The following ZCCHC2 variants were observed in gnomAD, a reference collection of about 807,000 sequenced individuals.
ZCCHC2 encodes the protein zinc finger CCHC domain-containing protein 2.
Under a neutral mutation model 103.6 loss-of-function variants are expected in ZCCHC2, and 39 were observed. The ratio of observed to expected loss-of-function variants is 0.38; its 90% CI spans 0.29 to 0.49. ZCCHC2 has a LOEUF of 0.49. ZCCHC2 is among the 20% of genes least tolerant of loss of function. The pLI is 0.96. For synonymous variants in ZCCHC2, 687 were observed against 608.9 expected (o/e 1.13, Z -1.89); for missense variants, 1,483 against 1,491.0 (o/e 0.99, Z 0.09).
Position 62,574,911 on chromosome 18 carries a change from C to G in ZCCHC2, c.2830C>G (p.Gln944Glu), listed in dbSNP as rs77309628. The G allele has an allele frequency of 6.2e-7, 1 of 1,613,848 alleles. No individual in the cohort carries two copies. The highest frequency in any genetic ancestry group is 1.3e-5 in the African/African-American group (1 of 75,052). The change falls in exon 13 of 14, where the codon CAG (glutamine) becomes GAG (glutamate). Residue 944 changes from glutamine to glutamate, a missense_variant. By Grantham distance (29) the Gln-to-Glu change is conservative. Coordinates refer to ENST00000269499, the MANE Select transcript of ZCCHC2 (RefSeq NM_017742.6). ...GCTCAGCACAGCAGCAACTTCTCCC[C>G]AGCCAGCGAGCGCAGGTATCAGCCA... is the stretch of plus-strand genomic sequence containing the variant. ...SVLSTAATSP[Q>E]PASAGISQAQ... is the part of the protein sequence containing the mutation.
chr18:62,567,919 G>A (rs1037279759), intron 11 of ZCCHC2, among the ~76,000 whole-genome samples: 2 of 101,164 alleles, frequency 2.0e-5, no homozygotes, highest in Admixed American at 1.3e-4. Context: ...TACTCCAGCC[G>A]GGGCGACAGA....
intron 11 of ZCCHC2, 69 bp from the exon 12 acceptor site, chr18:62,570,034 A>G: frequency 1.4e-6 from 2 of 1,430,260 alleles, no homozygotes; most frequent in African/African-American, 1.5e-5. Context: ...TTAATTTCTA[A>G]TGATTCAACT....
intron 1 of ZCCHC2, among the ~76,000 whole-genome samples, chr18:62,527,843 C>CA (rs1426692161): frequency 6.6e-6 from 1 of 151,914 alleles, no homozygotes; most frequent in Non-Finnish European, 1.5e-5. Flanking sequence ...GTGTTAGCAA[C>CA]AAAAAAATGC....
rs778672426 is a variant in ZCCHC2, at chr18:62,575,411, A to G, written c.3330A>G (p.Val1110=). 1.2e-6 allele frequency: 2 copies of G among 1,614,034 alleles called. No individual in the cohort carries two copies. Among genetic ancestry groups the G allele is most frequent in the Non-Finnish European group, 1.7e-6 (2 of 1,179,894 alleles). Residue 1110 remains valine, a synonymous_variant, in exon 13 of 14, where the codon GTA becomes GTG. Transcript: ENST00000269499. ...QMAGFGRFYP[V]YPAPNVVANT... ...CAGGATTTGGGAGATTCTATCCTGT[A>G]TATCCAGCACCTAACGTAGTTGCCA...
At chr18:62,569,186 AAC>A (rs1319400082) in intron 11 of ZCCHC2, among the ~76,000 whole-genome samples, 2 of 152,184 alleles carry the variant, frequency 1.3e-5, no homozygotes, top group African/African-American at 4.8e-5. Context: ...GGTCATGTTT[AAC>A]AGTCTTAACA....
In ZCCHC2 at chr18:62,574,528, A is replaced by C. The variant is rs1916731972; in HGVS notation, c.2447A>C (p.Lys816Thr). Residue 816 changes from lysine (K) to threonine (T), a missense_variant, in exon 13 of 14, where the codon AAG (lysine) becomes ACG (threonine). By Grantham distance (78) the Lys-to-Thr change is moderately conservative (BLOSUM62 -1). Around this residue, in one of 3 missense-constraint regions of ZCCHC2, gnomAD observed 884 missense variants for 907.5 expected, o/e 0.97. Coordinates refer to ENST00000269499, the MANE Select transcript of ZCCHC2 (RefSeq NM_017742.6). ...TTGCATCTTACAGTTCAGAGGCTAA[A>C]GTTGCCACCACCACAGGGATCTTCT... ...PALHLTVQRLKLPPPQGSSES... is the reference protein window; with the variant it reads ...PALHLTVQRLTLPPPQGSSES... 6.2e-7 allele frequency: 1 copy of C among 1,613,894 alleles called. No individual in the cohort carries two copies. Among genetic ancestry groups the C allele is most frequent in the African/African-American group, 1.3e-5 (1 of 74,924 alleles).
At position 62,563,226 on chromosome 18, in the gene ZCCHC2, A is replaced by G. The variant is rs534601479; in HGVS notation, c.1686+82A>G. 4 of 1,490,488 alleles carry G rather than the reference A, an allele frequency of 2.7e-6. No homozygotes were observed. In the East Asian group the frequency reaches 9.1e-5, roughly 34 times the overall value. 92.3% of individuals were successfully genotyped at this position (1,490,488 alleles called of 1,614,324 possible). A position where few individuals can be genotyped will look rare whatever the true frequency, so the allele number is the denominator to read the frequency against. ...AAAAAATTAAGTTCTGTAAGCTTTCAGTCAGACAGTATATCTGGTAAGAAA... is the reference window on the plus strand; with the variant it reads ...AAAAAATTAAGTTCTGTAAGCTTTCGGTCAGACAGTATATCTGGTAAGAAA... On this transcript the variant is annotated intron_variant, in intron 9 of 13. Coordinates refer to ENST00000269499, the MANE Select transcript of ZCCHC2 (RefSeq NM_017742.6).
chr18:62,543,713 C>T (rs372347864), intron 3 of ZCCHC2, among the ~76,000 whole-genome samples: 3 of 152,140 alleles, frequency 2.0e-5, no homozygotes, highest in South Asian at 2.1e-4. Context: ...TGCATCTCTC[C>T]GTTCTTGTAC....
At chr18:62,560,513 C>A in intron 7 of ZCCHC2, 74 bp from the exon 8 acceptor site, 1 of 1,236,352 alleles carries the variant, frequency 8.1e-7, no homozygotes, top group Non-Finnish European at 1.2e-6. Context: ...TATGATCATA[C>A]AAACTAGTAG....
intron 11 of ZCCHC2, among the ~76,000 whole-genome samples, chr18:62,567,492 A>T (rs142284676): frequency 5.3e-5 from 8 of 152,364 alleles, no homozygotes; most frequent in African/African-American, 1.7e-4. Context: ...AAAAGAAAAC[A>T]AAGATCGCTC....
chr18:62,523,510 C>A lies in ZCCHC2; in HGVS notation c.86C>A (p.Pro29Gln). 1 of 965,356 alleles carries A rather than the reference C, an allele frequency of 1.0e-6. No homozygotes were observed. The highest frequency in any genetic ancestry group is 1.2e-6 in the Non-Finnish European group (1 of 815,756). The allele number at this position is 965,356 out of a possible 1,614,324, so 59.8% of individuals were successfully genotyped here. A position where few individuals can be genotyped will look rare whatever the true frequency, so the allele number is the denominator to read the frequency against. Reference sequence around the variant, plus strand: ...GAGGAGCCCGAGGCGGACGCGCGGCCGGGCGCGAAGGCGCCTTCGCGCCGC... The same window carrying A: ...GAGGAGCCCGAGGCGGACGCGCGGCAGGGCGCGAAGGCGCCTTCGCGCCGC... ...EAEEPEADAR[P>Q]GAKAPSRRRR... is the part of the protein sequence containing the mutation. The change falls in exon 1 of 14, where the codon CCG becomes CAG. Residue 29 changes from proline to glutamine, a missense_variant. Physicochemically the swap from Pro to Gln is moderately conservative, Grantham distance 76 (BLOSUM62 -1). Transcript: ENST00000269499.
chr18:62,528,869 A>G (rs1344362640), intron 1 of ZCCHC2, among the ~76,000 whole-genome samples: 1 of 152,116 alleles, frequency 6.6e-6, no homozygotes, highest in African/African-American at 2.4e-5. Flanking sequence ...ACTAAAAAAG[A>G]TGATTTTTTG....
intron 3 of ZCCHC2, among the ~76,000 whole-genome samples, chr18:62,544,493 T>A (rs973621192): frequency 6.6e-6 from 1 of 152,182 alleles, no homozygotes. Context: ...CATTTTAGAG[T>A]TCTATAAGTT....
At chr18:62,553,270 A>G (rs956508992) in intron 5 of ZCCHC2, among the ~76,000 whole-genome samples, 5 of 151,640 alleles carry the variant, frequency 3.3e-5, no homozygotes, top group Admixed American at 6.6e-5. Flanking sequence ...TTTTTTCTTT[A>G]AATATATTGG....
Position 62,523,967 on chromosome 18 carries a change from C to T in ZCCHC2, c.543C>T (p.Gly181=). ...TCATCGTCTACCTGGCGCTGCTGGG[C>T]TCGGAGAACCGGGAGGCCGCTGGCC... ...SRLIVYLALL[G]SENREAAGRL... The change falls in exon 1 of 14, where the codon GGC becomes GGT. Residue 181 remains glycine (G), a synonymous_variant. Coordinates refer to ENST00000269499, the MANE Select transcript of ZCCHC2 (RefSeq NM_017742.6). The T allele has an allele frequency of 6.7e-7, 1 of 1,501,086 alleles. No homozygotes were observed. The highest frequency in any genetic ancestry group is 1.3e-5 in the South Asian group (1 of 79,268). The allele number at this position is 1,501,086 out of a possible 1,614,324, so 93.0% of individuals were successfully genotyped here.
intron 1 of ZCCHC2, among the ~76,000 whole-genome samples, chr18:62,532,256 G>A (rs1423864377): frequency 6.6e-6 from 1 of 152,144 alleles, no homozygotes; most frequent in Non-Finnish European, 1.5e-5. Context: ...TTCTCTGAAT[G>A]GTACCATTAT....
intron 1 of ZCCHC2, among the ~76,000 whole-genome samples, chr18:62,530,162 A>C (rs1195709365): frequency 6.6e-6 from 1 of 152,100 alleles, no homozygotes; most frequent in Non-Finnish European, 1.5e-5. Flanking sequence ...TGCCTTAATA[A>C]TTTTTTTGTG....
intron 6 of ZCCHC2, among the ~76,000 whole-genome samples, chr18:62,556,823 T>G (rs984524739): frequency 2.6e-5 from 4 of 152,212 alleles, no homozygotes; most frequent in African/African-American, 9.6e-5. Flanking sequence ...CACGGACTAT[T>G]AAAGGTAAAC....
intron 3 of ZCCHC2, among the ~76,000 whole-genome samples, chr18:62,543,201 T>G (rs1915273625): frequency 1.3e-5 from 2 of 152,200 alleles, no homozygotes; most frequent in Admixed American, 1.3e-4. Context: ...CACGTTTTTG[T>G]GAATCCTCAC....
Sources: gnomAD v4.1 joint callset for allele counts (sites outside exome capture counted in the v4.1 genomes callset) on GRCh38, gnomAD v4.1.1 for gene constraint, gnomAD v4.1.1 regional missense constraint, MANE v1.5 for transcripts, NCBI Gene and HGNC (gene_info 2026-07-23, HGNC 2026-07-21) for gene names.